Variants in NACC2 observed in about 807,000 individuals in gnomAD.
NACC2 encodes the protein nucleus accumbens-associated protein 2.
NACC2 carries 8 observed loss-of-function variants against 25.1 expected under a neutral mutation model. The observed-to-expected ratio is 0.32, with a 90% confidence interval of 0.19 to 0.57. The LOEUF is 0.57. NACC2 is among the 20% of genes least tolerant of loss of function. The probability of loss-of-function intolerance (pLI) is 0.89; values close to 1 mark genes in which losing one functional copy is unlikely to be tolerated. For missense variants in NACC2, 644 were observed against 650.2 expected (o/e 0.99, Z 0.10); for synonymous variants, 435 against 294.7 (o/e 1.48, Z -4.88).
chr9:136,080,259 G>A (rs1305482517), intron 1 of NACC2, among the ~76,000 whole-genome samples: 3 of 152,106 alleles, frequency 2.0e-5, no homozygotes, highest in East Asian at 1.9e-4. Context: ...CAGGGCCCCC[G>A]CACCCATCTC....
In NACC2 at chr9:136,013,914, C is replaced by T. The variant is rs1475658365; in HGVS notation, c.1107G>A (p.Gly369=). The change falls in exon 4 of 6, where the codon GGG becomes GGA. Residue 369 remains glycine, a synonymous_variant. Transcript: ENST00000277554. This position sits in a 1 kb window ranked among gnomAD's most constrained non-coding sequence, Gnocchi z 6.6. ...GQLMNCHLCA[G]VKHKVLLRRL... ...TCCGCAGCAAGACCTTATGCTTCAC[C>T]CCTGCACACAGGTGGCAGTTCATCA... 1.2e-6 allele frequency: 2 copies of T among 1,612,808 alleles called. No homozygotes were observed. The highest frequency in any genetic ancestry group is 1.7e-6 in the Non-Finnish European group (2 of 1,179,986).
In NACC2 at chr9:136,067,514, G is replaced by A. The variant is rs572898910; in HGVS notation, c.-59-16934C>T. Among the ~76,000 whole-genome samples, 54 of 152,126 alleles carry A rather than the reference G, an allele frequency of 3.5e-4. 1 individual carries two copies. Among genetic ancestry groups the A allele is most frequent in the African/African-American group, 8.9e-4 (37 of 41,512 alleles). ...TCTGAACACCGCAGGTGATTTTGTC[G>A]TTCTGTGAACACCACAGAATGCACT... is the stretch of plus-strand genomic sequence containing the variant. On this transcript the variant is annotated intron_variant, in intron 1 of 5. Transcript: ENST00000277554.
intron 2 of NACC2, among the ~76,000 whole-genome samples, chr9:136,030,054 T>C (rs1207828502): frequency 6.6e-6 from 1 of 152,160 alleles, no homozygotes; most frequent in Non-Finnish European, 1.5e-5. Flanking sequence ...TTCGTAATTT[T>C]AGTAGACATG....
intron 1 of NACC2, among the ~76,000 whole-genome samples, chr9:136,079,213 C>T (rs1372767363): frequency 1.3e-5 from 2 of 152,206 alleles, no homozygotes; most frequent in African/African-American, 2.4e-5. Context: ...CAGACATCCT[C>T]CCAGGGTGGG....
chr9:136,055,070 G>T lies in NACC2; in HGVS notation c.-59-4490C>A, dbSNP rs922222581. On this transcript the variant is annotated intron_variant, in intron 1 of 5. Coordinates refer to ENST00000277554, the MANE Select transcript of NACC2 (RefSeq NM_144653.5). The surrounding 1 kb of genome is among the most constrained non-coding windows in gnomAD (Gnocchi z 4.9). ...GGTGGCTGTGGTGTCGGAGTGGGGG[G>T]TCTCTCCTCTGCAGAGCCTCACTTG... 6.6e-6 allele frequency among the ~76,000 whole-genome samples: 1 copy of T among 152,088 alleles called. No individual in the cohort carries two copies. Among genetic ancestry groups the T allele is most frequent in the Non-Finnish European group, 1.5e-5 (1 of 68,006 alleles).
intron 1 of NACC2, among the ~76,000 whole-genome samples, chr9:136,062,121 A>G (rs1208567272): frequency 2.4e-4 from 17 of 69,410 alleles, no homozygotes; most frequent in African/African-American, 7.5e-4. Context: ...GCGAGACAGG[A>G]CAGGACAGGA....
At chr9:136,071,957 G>A (rs1218195453) in intron 1 of NACC2, among the ~76,000 whole-genome samples, 1 of 152,152 alleles carries the variant, frequency 6.6e-6, no homozygotes, top group Non-Finnish European at 1.5e-5. Context: ...TTACCCAAAG[G>A]CCAGGCACGG....
At chr9:136,027,020 G>C (rs1177108539) in intron 2 of NACC2, among the ~76,000 whole-genome samples, 1 of 152,218 alleles carries the variant, frequency 6.6e-6, no homozygotes, top group Admixed American at 6.5e-5. Flanking sequence ...CCCAAGGTCA[G>C]GAGTTCAAGA....
At chr9:136,032,947 G>A (rs1417680829) in intron 2 of NACC2, among the ~76,000 whole-genome samples, 1 of 151,274 alleles carries the variant, frequency 6.6e-6, no homozygotes, top group Non-Finnish European at 1.5e-5. Flanking sequence ...GAACTCTGGA[G>A]GCAGAGGTTG....
At chr9:136,025,632 A>G (rs1840376192) in intron 2 of NACC2, among the ~76,000 whole-genome samples, 1 of 151,426 alleles carries the variant, frequency 6.6e-6, no homozygotes, top group African/African-American at 2.4e-5. Context: ...AAAAAAACGC[A>G]GCCGGGCGCA....
At position 136,013,755 on chromosome 9, in the gene NACC2, G is replaced by C; in HGVS notation, c.1157+109C>G. The C allele has an allele frequency of 1.0e-6, 1 of 975,844 alleles. No homozygotes were observed. Among genetic ancestry groups the C allele is most frequent in the South Asian group, 1.6e-5 (1 of 62,608 alleles). The allele number at this position is 975,844 out of a possible 1,614,324, so 60.4% of individuals were successfully genotyped here. On this transcript the variant is annotated intron_variant, in intron 4 of 5. Transcript: ENST00000277554. This position sits in a 1 kb window ranked among gnomAD's most constrained non-coding sequence, Gnocchi z 6.6. Reference sequence around the variant, plus strand: ...CGGCCACGGCTGAAGTCAGGAATGCGAGAGGGCTTTCAATGCCACAACCCT... The same window carrying C: ...CGGCCACGGCTGAAGTCAGGAATGCCAGAGGGCTTTCAATGCCACAACCCT...
intron 2 of NACC2, among the ~76,000 whole-genome samples, chr9:136,024,079 G>A (rs1273238637): frequency 6.6e-6 from 1 of 152,012 alleles, no homozygotes; most frequent in Admixed American, 6.5e-5. Context: ...GCCAGAGTGT[G>A]AGTGAGGGCC....
chr9:136,023,366 G>C (rs1323132742), intron 2 of NACC2, among the ~76,000 whole-genome samples: 1 of 152,038 alleles, frequency 6.6e-6, no homozygotes, highest in African/African-American at 2.4e-5. Flanking sequence ...AGCTCTCGGA[G>C]AACGTGGGAT....
chr9:136,092,407 T>G (rs1830442463), intron 1 of NACC2, among the ~76,000 whole-genome samples: 1 of 152,158 alleles, frequency 6.6e-6, no homozygotes, highest in Non-Finnish European at 1.5e-5. Flanking sequence ...CTCCCGCACC[T>G]GCCCACATGC....
At chr9:136,021,978 C>G (rs910561516) in intron 2 of NACC2, among the ~76,000 whole-genome samples, 1 of 152,130 alleles carries the variant, frequency 6.6e-6, no homozygotes, top group Non-Finnish European at 1.5e-5. Context: ...AGGGGTTTGG[C>G]GAGGGAGCCA....
intron 1 of NACC2, among the ~76,000 whole-genome samples, chr9:136,076,868 G>C (rs145029601): frequency 0.018 from 2,727 of 152,204 alleles, 28 homozygotes; most frequent in Non-Finnish European, 0.028. Context: ...AAATTAGCCG[G>C]GCGTGGTGGC....
rs181657212 is a variant in NACC2, at chr9:136,085,167, G to A, written c.-60+10022C>T. ...TTTTTTTTTTTTTTTTTTTTTTGGCGAGACTGAGTTTCGCTCTTGTCGCCC... is the reference window on the plus strand; with the variant it reads ...TTTTTTTTTTTTTTTTTTTTTTGGCAAGACTGAGTTTCGCTCTTGTCGCCC... On this transcript the variant is annotated intron_variant, in intron 1 of 5. Coordinates refer to ENST00000277554, the MANE Select transcript of NACC2 (RefSeq NM_144653.5). 1.7e-3 allele frequency among the ~76,000 whole-genome samples: 45 copies of A among 26,368 alleles called. 1 individual carries two copies. Among genetic ancestry groups the A allele is most frequent in the African/African-American group, 3.2e-3 (40 of 12,694 alleles). 17.3% of individuals were successfully genotyped at this position (26,368 alleles called of 152,430 possible).
intron 1 of NACC2, among the ~76,000 whole-genome samples, chr9:136,076,985 G>A (rs4842106): frequency 2.6e-5 from 4 of 151,254 alleles, no homozygotes; most frequent in Non-Finnish European, 4.4e-5. Context: ...CAGCCTGGGC[G>A]ACAGAGCGAG....
At chr9:136,089,161 G>A (rs1197009004) in intron 1 of NACC2, among the ~76,000 whole-genome samples, 1 of 152,016 alleles carries the variant, frequency 6.6e-6, no homozygotes, top group Non-Finnish European at 1.5e-5. Context: ...AACCAGCGGG[G>A]CGGCAGCCAC....
Sources: allele counts gnomAD v4.1 joint callset (sites outside exome capture counted in the v4.1 genomes callset), GRCh38; gene constraint gnomAD v4.1.1; non-coding constraint Gnocchi (gnomAD v3.1); transcripts MANE v1.5; gene names NCBI Gene and HGNC (gene_info 2026-07-23, HGNC 2026-07-21).